Variants in SRP9 observed in about 807,000 individuals in gnomAD.
The protein encoded by SRP9 is signal recognition particle 9.
A neutral mutation model predicts 11.7 loss-of-function variants in SRP9; 2 were observed. The ratio of observed to expected loss-of-function variants is 0.17; its 90% CI spans 0.07 to 0.54. The LOEUF is 0.54. Ranked by LOEUF, SRP9 falls within the 20% of genes least tolerant of loss-of-function variation. The pLI, the probability that SRP9 is intolerant of heterozygous loss-of-function variation, is 0.94. For synonymous variants in SRP9, 27 were observed against 35.6 expected, an observed-to-expected ratio of 0.76 and a Z score of 0.86; for missense variants, 54 against 108.1, an observed-to-expected ratio of 0.50 and a Z score of 2.22.
intron 2 of SRP9, among the ~76,000 whole-genome samples, chr1:225,784,879 C>G (rs1665872758): frequency 6.6e-6 from 1 of 152,014 alleles, no homozygotes; most frequent in South Asian, 2.1e-4. Context: ...TTCTTCTGTT[C>G]CTACCTTCCT....
Position 225,789,494 on chromosome 1 carries a change from T to C in SRP9, c.*135T>C, listed in dbSNP as rs1387528814. 7 of 1,031,934 alleles carry C rather than the reference T, an allele frequency of 6.8e-6. No individual in the cohort carries two copies. Among genetic ancestry groups the C allele is most frequent in the South Asian group, 6.0e-5 (3 of 49,720 alleles). 63.9% of individuals were successfully genotyped at this position (1,031,934 alleles called of 1,614,324 possible). On this transcript the variant is annotated 3_prime_UTR_variant, in exon 3 of 3. Transcript: ENST00000304786. ...GCTTAGAGGTCATTTTTTGTAATTT[T>C]CTTTTTAATTACTTTAGAGAGCTAG... is the stretch of plus-strand genomic sequence containing the variant.
intron 2 of SRP9, chr1:225,786,971 T>C: frequency 2.2e-6 from 1 of 460,004 alleles, no homozygotes; most frequent in South Asian, 1.8e-5. Flanking sequence ...GCCTCCTGAA[T>C]AGCAGAGACT....
chr1:225,788,963 C>G, intron 2 of SRP9: 1 of 1,536,264 alleles, frequency 6.5e-7, no homozygotes, highest in Non-Finnish European at 8.8e-7. Flanking sequence ...TCTCATCAGA[C>G]CATAGCAGGA....
intron 1 of SRP9, among the ~76,000 whole-genome samples, chr1:225,781,068 G>A (rs2102646811): frequency 6.6e-6 from 1 of 152,238 alleles, no homozygotes; most frequent in East Asian, 1.9e-4. Flanking sequence ...GTCTCATGAA[G>A]CTACCGGATT....
chr1:225,779,168 G>A (rs1171899806), intron 1 of SRP9, among the ~76,000 whole-genome samples: 2 of 147,778 alleles, frequency 1.4e-5, no homozygotes, highest in African/African-American at 2.5e-5. Flanking sequence ...TTTTTGAGAC[G>A]AAATCTCGCA....
intron 2 of SRP9, chr1:225,786,774 C>G: frequency 8.5e-7 from 1 of 1,182,230 alleles, no homozygotes; most frequent in Non-Finnish European, 1.1e-6. Context: ...ATGAAAGTAT[C>G]TAACATGAGT....
intron 2 of SRP9, chr1:225,787,054 G>A (rs1665932319): frequency 3.4e-6 from 1 of 297,650 alleles, no homozygotes; most frequent in African/African-American, 2.3e-5. Flanking sequence ...ATATTGCCCA[G>A]GTTGATCTGG....
chr1:225,782,211 T>C (rs1665813954), intron 1 of SRP9, among the ~76,000 whole-genome samples: 1 of 152,184 alleles, frequency 6.6e-6, no homozygotes. Flanking sequence ...GTCCCCAGGC[T>C]GGAGTGCAAT....
chr1:225,785,330 G>T (rs1575953973), intron 2 of SRP9, among the ~76,000 whole-genome samples: 2 of 150,386 alleles, frequency 1.3e-5, no homozygotes, highest in Admixed American at 1.3e-4. Context: ...ACCCACCTTG[G>T]CCTCTGAAAG....
intron 2 of SRP9, among the ~76,000 whole-genome samples, chr1:225,784,713 G>C (rs978984814): frequency 6.6e-6 from 1 of 151,666 alleles, no homozygotes; most frequent in Non-Finnish European, 1.5e-5. Flanking sequence ...ATGGTGGCGG[G>C]CACCTGTAGT....
intron 1 of SRP9, among the ~76,000 whole-genome samples, chr1:225,781,369 C>G (rs1665793609): frequency 1.3e-5 from 2 of 148,292 alleles, no homozygotes; most frequent in South Asian, 4.3e-4. Flanking sequence ...TTTATAAACA[C>G]GATTGGCCTT....
At chr1:225,784,290 AGGCT>A (rs932066946) in intron 2 of SRP9, among the ~76,000 whole-genome samples, 5 of 109,610 alleles carry the variant, frequency 4.6e-5, no homozygotes, top group South Asian at 3.2e-4. Context: ...TCTGTCGCCC[AGGCT>A]GGAGTGCAGT....
chr1:225,784,788 G>T (rs1339469139), intron 2 of SRP9, among the ~76,000 whole-genome samples: 1 of 151,866 alleles, frequency 6.6e-6, no homozygotes, highest in Non-Finnish European at 1.5e-5. Context: ...CTTGCAGTGA[G>T]CAGAGATCGT....
At position 225,777,896 on chromosome 1, in the gene SRP9, G is replaced by T. The variant is rs555388710; in HGVS notation, c.-45G>T. 191 of 1,569,634 alleles carry T rather than the reference G, an allele frequency of 1.2e-4. 1 individual carries two copies. The highest frequency in any genetic ancestry group is 5.7e-4 in the South Asian group (51 of 89,676). Reference sequence around the variant, plus strand: ...CGGACGTAGGTAGTTTGTTGGGCCGGGTTCTGAGGCCTTGCTTCTCTTTAC... The same window carrying T: ...CGGACGTAGGTAGTTTGTTGGGCCGTGTTCTGAGGCCTTGCTTCTCTTTAC... On this transcript the variant is annotated 5_prime_UTR_variant, in exon 1 of 3. Coordinates refer to ENST00000304786, the MANE Select transcript of SRP9 (RefSeq NM_003133.6).
chr1:225,787,279 A>G (rs1665938313), intron 2 of SRP9, among the ~76,000 whole-genome samples: 1 of 152,122 alleles, frequency 6.6e-6, no homozygotes, highest in African/African-American at 2.4e-5. Flanking sequence ...TCGTGCTGGT[A>G]ATCCCAGCAT....
intron 2 of SRP9, among the ~76,000 whole-genome samples, chr1:225,787,697 CATAATTGATTTAGAAT>C (rs1383993660): frequency 6.6e-5 from 10 of 152,038 alleles, no homozygotes; most frequent in African/African-American, 1.9e-4. Flanking sequence ...TTTCTAATCC[CATAATTGATTTAGAAT>C]ACTGTCTTCT....
intron 1 of SRP9, 112 bp downstream of exon 1, chr1:225,778,124 C>A (rs1012761212): frequency 4.7e-5 from 54 of 1,151,050 alleles, no homozygotes; most frequent in Admixed American, 8.9e-5. Flanking sequence ...GGAATGAACA[C>A]AAATGGACCC....
intron 1 of SRP9, among the ~76,000 whole-genome samples, chr1:225,782,076 G>T (rs1252347255): frequency 6.6e-6 from 1 of 151,984 alleles, no homozygotes; most frequent in Non-Finnish European, 1.5e-5. Context: ...GAATTGTCTT[G>T]AGGCCTCTGG....
chr1:225,784,250 T>C (rs1440875464), intron 2 of SRP9, among the ~76,000 whole-genome samples: 1 of 118,058 alleles, frequency 8.5e-6, no homozygotes, highest in East Asian at 2.6e-4. Context: ...TTTTTTTTTT[T>C]TTTTTTTTTT....
Sources: allele counts gnomAD v4.1 joint callset (sites outside exome capture counted in the v4.1 genomes callset), GRCh38; gene constraint gnomAD v4.1.1; transcripts MANE v1.5; gene names NCBI Gene and HGNC (gene_info 2026-07-23, HGNC 2026-07-21).